COMMD1: variants seen among roughly 807,000 people sequenced by gnomAD.
COMMD1 encodes the protein COMM domain-containing protein 1.
A neutral mutation model predicts 17.2 loss-of-function variants in COMMD1; 10 were observed. The ratio of observed to expected loss-of-function variants is 0.58; its 90% CI spans 0.36 to 0.99. The LOEUF (loss-of-function observed/expected upper bound fraction) is 0.99. COMMD1 is among the 50% of genes least tolerant of loss of function. The pLI is 0.01. For synonymous variants in COMMD1, 97 were observed against 91.6 expected, an observed-to-expected ratio of 1.06 and a Z score of -0.34; for missense variants, 270 against 231.8, an observed-to-expected ratio of 1.17 and a Z score of -1.07.
At chr2:61,888,442 G>C, upstream of COMMD1, 1 of 1,611,810 alleles carries the variant, frequency 6.2e-7, no homozygotes, top group Non-Finnish European at 8.5e-7. Context: ...CCTGATAGGC[G>C]CCTTTCCCGC....
chr2:61,948,051 AT>A (rs1670956961), intron 1 of COMMD1, among the ~76,000 whole-genome samples: 1 of 152,154 alleles, frequency 6.6e-6, no homozygotes, highest in East Asian at 1.9e-4. Context: ...TACATATAAA[AT>A]AAATGTCTGC....
rs186105446 is a variant in COMMD1 at position 61,891,992 on chromosome 2, C to T, written n.119+3150C>T. 9.5e-3 allele frequency among the ~76,000 whole-genome samples: 1,431 copies of T among 151,292 alleles called. 16 individuals carry two copies. The highest frequency in any genetic ancestry group is 0.032 in the African/African-American group (1,339 of 41,310). On this transcript the variant is annotated intron_variant and non_coding_transcript_variant, in intron 1 of 2. Coordinates refer to the COMMD1 transcript ENST00000472729. ...GACTACAGGCGCCCACCACCAAGCC[C>T]GGCTAGTTTTTTGTATTTTTAGTAG...
At position 61,909,023 on chromosome 2, in the gene COMMD1, G is replaced by C. The variant is rs553089161; in HGVS notation, c.180+3165G>C. ...GGCTCTCCGCAACCTCTGCCTCCCA[G>C]GTTCAAGCAATTGTCCTGCCTCAGC... On this transcript the variant is annotated intron_variant, in intron 1 of 2. Coordinates refer to ENST00000311832, the MANE Select transcript of COMMD1 (RefSeq NM_152516.4). Among the ~76,000 whole-genome samples the C allele has an allele frequency of 1.8e-4, 28 of 152,220 alleles. 1 individual carries two copies. In the South Asian group the frequency reaches 5.6e-3, roughly 30 times the overall value.
At chr2:61,914,801 G>C (rs942595829) in intron 1 of COMMD1, among the ~76,000 whole-genome samples, 1 of 150,638 alleles carries the variant, frequency 6.6e-6, no homozygotes, top group Non-Finnish European at 1.5e-5. Context: ...AGCGATTCTC[G>C]TGTCTCAGCC....
chr2:62,104,633 C>CAAAAAAAAAAAAAAAAAA (rs35679940), intron 2 of COMMD1, among the ~76,000 whole-genome samples: 1 of 76,722 alleles, frequency 1.3e-5, no homozygotes, highest in Admixed American at 1.4e-4. Context: ...GACTCCGTCT[C>CAAAAAAAAAAAAAAAAAA]AAAAAAAAAA....
chr2:62,031,345 A>G (rs1443216414), intron 2 of COMMD1, among the ~76,000 whole-genome samples: 1 of 152,210 alleles, frequency 6.6e-6, no homozygotes, highest in Non-Finnish European at 1.5e-5. Context: ...TAGGAATTCA[A>G]ATGCATTCAG....
At chr2:62,017,861 A>C (rs1669496437) in intron 2 of COMMD1, among the ~76,000 whole-genome samples, 1 of 152,020 alleles carries the variant, frequency 6.6e-6, no homozygotes, top group East Asian at 1.9e-4. Flanking sequence ...TGGGCAACAC[A>C]GGAAGACCCC....
intron 2 of COMMD1, among the ~76,000 whole-genome samples, chr2:62,128,900 C>T (rs1272815117): frequency 1.3e-5 from 2 of 150,436 alleles, no homozygotes; most frequent in Non-Finnish European, 3.0e-5. Flanking sequence ...TGCAGTGAGC[C>T]GAGATCACGC....
At chr2:62,051,207 C>T (rs777325692) in intron 2 of COMMD1, among the ~76,000 whole-genome samples, 1 of 151,976 alleles carries the variant, frequency 6.6e-6, no homozygotes, top group Non-Finnish European at 1.5e-5. Flanking sequence ...CAGTATATTT[C>T]ATGATAGGCT....
chr2:62,032,228 G>A (rs764801281), intron 2 of COMMD1, among the ~76,000 whole-genome samples: 1 of 152,152 alleles, frequency 6.6e-6, no homozygotes, highest in Admixed American at 6.5e-5. Flanking sequence ...CTTCAAATCT[G>A]ACTGTGCCAG....
At chr2:62,000,441 C>G (rs185554391) in intron 1 of COMMD1, among the ~76,000 whole-genome samples, 1 of 151,748 alleles carries the variant, frequency 6.6e-6, no homozygotes, top group Non-Finnish European at 1.5e-5. Flanking sequence ...ATATATACCA[C>G]GCACAACCAT....
chr2:61,990,900 A>C (rs1672231267), intron 1 of COMMD1, among the ~76,000 whole-genome samples: 1 of 118,726 alleles, frequency 8.4e-6, no homozygotes, highest in Non-Finnish European at 1.8e-5. Flanking sequence ...AAATATATAT[A>C]TATACACACA....
intron 2 of COMMD1, among the ~76,000 whole-genome samples, chr2:62,057,394 T>C (rs1363337629): frequency 6.6e-6 from 1 of 152,188 alleles, no homozygotes; most frequent in Non-Finnish European, 1.5e-5. Context: ...ATTCCTGGGA[T>C]AAACCCTATT....
intron 1 of COMMD1, among the ~76,000 whole-genome samples, chr2:61,963,108 C>T (rs182128889): frequency 2.8e-3 from 415 of 149,734 alleles, no homozygotes; most frequent in African/African-American, 9.5e-3. Context: ...TACAGTGAGC[C>T]GAGATCATGC....
intron 1 of COMMD1, among the ~76,000 whole-genome samples, chr2:61,894,424 TTTA>T (rs1166588561): frequency 3.2e-4 from 48 of 152,036 alleles, no homozygotes; most frequent in African/African-American, 1.2e-3. Context: ...GCAAGCTGAC[TTTA>T]TACACATCCT....
intron 2 of COMMD1, chr2:62,001,187 G>A (rs1314506721): frequency 3.5e-6 from 2 of 575,196 alleles, no homozygotes; most frequent in Non-Finnish European, 6.2e-6. Flanking sequence ...GGTCCTGGCA[G>A]CTGTCTCAGA....
At chr2:62,131,112 A>G (rs1293861393) in intron 2 of COMMD1, among the ~76,000 whole-genome samples, 1 of 151,994 alleles carries the variant, frequency 6.6e-6, no homozygotes, top group African/African-American at 2.4e-5. Flanking sequence ...TTGTCATAGG[A>G]TTTTGTGGCT....
intron 1 of COMMD1, among the ~76,000 whole-genome samples, chr2:61,995,707 A>T (rs925966051): frequency 2.0e-5 from 3 of 152,206 alleles, no homozygotes; most frequent in African/African-American, 7.2e-5. Context: ...TTAACTGTTG[A>T]GGCTTTGGCC....
chr2:61,908,227 C>CT (rs939199316), intron 1 of COMMD1, among the ~76,000 whole-genome samples: 2,007 of 135,244 alleles, frequency 0.015, 25 homozygotes, highest in African/African-American at 0.019. Flanking sequence ...TTATTGAACT[C>CT]TTTTTTTTTT....
Sources: allele counts gnomAD v4.1 joint callset (sites outside exome capture counted in the v4.1 genomes callset), GRCh38; gene constraint gnomAD v4.1.1; transcripts MANE v1.5; gene names NCBI Gene and HGNC (gene_info 2026-07-23, HGNC 2026-07-21).